NIP7: variants seen among roughly 807,000 people sequenced by gnomAD.
NIP7 encodes 60S ribosome subunit biogenesis protein NIP7 homolog.
NIP7 carries 12 observed loss-of-function variants against 20.1 expected under a neutral mutation model. That is an observed-to-expected ratio of 0.60 (90% CI 0.38 to 0.97). NIP7 has a LOEUF of 0.97. Among genes scored for constraint, NIP7 ranks in the 50% least tolerant of loss-of-function variants. NIP7 has a pLI of 0.00. For missense variants in NIP7, 226 were observed against 226.6 expected, an observed-to-expected ratio of 1.00 and a Z score of 0.02; for synonymous variants, 103 against 87.2, an observed-to-expected ratio of 1.18 and a Z score of -1.01.
At position 69,341,919 on chromosome 16, in the gene NIP7, G is replaced by T; in HGVS notation, c.*267G>T. 1 of 299,348 alleles carries T rather than the reference G, an allele frequency of 3.3e-6. No homozygotes were observed. The highest frequency in any genetic ancestry group is 6.2e-6 in the Non-Finnish European group (1 of 161,266). 18.5% of individuals were successfully genotyped at this position (299,348 alleles called of 1,614,324 possible). On this transcript the variant is annotated 3_prime_UTR_variant, in exon 5 of 5. Coordinates refer to ENST00000254940, the MANE Select transcript of NIP7 (RefSeq NM_016101.5). ...AGAGGGCTTCTTGTTCTGAGAAATA[G>T]GTTCAAAATCATTGGAACCAGGAAC... is the stretch of plus-strand genomic sequence containing the variant.
rs752617802 is a variant in NIP7, at chr16:69,341,750, C to T, written c.*98C>T. The T allele has an allele frequency of 1.5e-5, 22 of 1,447,578 alleles. No homozygotes were observed. Among genetic ancestry groups the T allele is most frequent in the Middle Eastern group, 1.8e-4 (1 of 5,562 alleles). 89.7% of individuals were successfully genotyped at this position (1,447,578 alleles called of 1,614,324 possible). ...ACCATCATGTTGAATTTTGTCAACA[C>T]TCTGGCCTCTTCAGGGACTTCTTAT... On this transcript the variant is annotated 3_prime_UTR_variant, in exon 5 of 5. Coordinates refer to ENST00000254940, the MANE Select transcript of NIP7 (RefSeq NM_016101.5).
intron 3 of NIP7, chr16:69,340,769 C>A (rs1597228936): frequency 4.6e-6 from 1 of 216,198 alleles, no homozygotes; most frequent in East Asian, 1.2e-4. Flanking sequence ...GTCGCCCAGG[C>A]TAGAGTGCAG....
rs960073730 is a variant in NIP7 at position 69,341,691 on chromosome 16, G to A, written c.*39G>A. Reference sequence around the variant, plus strand: ...CAAGGACAGACGGCTGTATGGAAAGGCCGAGCTTTGTTTCCTGTGTTTGTG... The same window carrying A: ...CAAGGACAGACGGCTGTATGGAAAGACCGAGCTTTGTTTCCTGTGTTTGTG... On this transcript the variant is annotated 3_prime_UTR_variant, in exon 5 of 5. Coordinates refer to ENST00000254940, the MANE Select transcript of NIP7 (RefSeq NM_016101.5). The A allele has an allele frequency of 5.6e-6, 9 of 1,609,812 alleles. No individual in the cohort carries two copies. The African/African-American group carries it at 1.2e-4, about 22-fold the overall frequency.
In NIP7 at chr16:69,341,783, ACT is replaced by A; in HGVS notation, c.*136_*137del. ...TCTTCAGGGACTTCTTATTTACTGT[ACT>A]CTCTATCACTGACAAATGCAGGCTG... On this transcript the variant is annotated 3_prime_UTR_variant, in exon 5 of 5. Coordinates refer to ENST00000254940, the MANE Select transcript of NIP7 (RefSeq NM_016101.5). The A allele has an allele frequency of 9.8e-7, 1 of 1,016,710 alleles. No individual in the cohort carries two copies. The highest frequency in any genetic ancestry group is 1.4e-6 in the Non-Finnish European group (1 of 691,552). 63.0% of individuals were successfully genotyped at this position (1,016,710 alleles called of 1,614,324 possible). A position where few individuals can be genotyped will look rare whatever the true frequency, so the allele number is the denominator to read the frequency against.
At position 69,340,245 on chromosome 16, in the gene NIP7, G is replaced by C; in HGVS notation, c.195G>C (p.Ser65=). ...AANISGDKLV[S]LGTCFGKFTK... is the part of the protein sequence containing the mutation. ...ATATTTCCGGGGACAAGCTGGTGTCGCTGGGGACCTGCTTTGGAAAATTCA... is the reference window on the plus strand; with the variant it reads ...ATATTTCCGGGGACAAGCTGGTGTCCCTGGGGACCTGCTTTGGAAAATTCA... Residue 65 remains serine, a synonymous_variant, in exon 3 of 5, where the codon TCG becomes TCC. Coordinates refer to ENST00000254940, the MANE Select transcript of NIP7 (RefSeq NM_016101.5). 1.9e-6 allele frequency: 3 copies of C among 1,614,166 alleles called. No homozygotes were observed. Among genetic ancestry groups the C allele is most frequent in the Non-Finnish European group, 2.5e-6 (3 of 1,180,030 alleles).
intron 3 of NIP7, chr16:69,340,551 G>A: frequency 3.4e-6 from 2 of 590,204 alleles, no homozygotes; most frequent in Non-Finnish European, 5.8e-6. Context: ...AAGTAGAAGA[G>A]CCTAGGGAGA....
chr16:69,340,128 G>A lies in NIP7; in HGVS notation c.143+36G>A, dbSNP rs779777507. On this transcript the variant is annotated intron_variant, in intron 2 of 4. Transcript: ENST00000254940. The stretch of plus-strand genomic sequence containing the variant: ...GCCGGGCAGGCAGCATGGACCCAGG[G>A]GAGAGGGGTCCTGGGTCCCACGAGC... 9.9e-6 allele frequency: 16 copies of A among 1,612,658 alleles called. No individual in the cohort carries two copies. The East Asian group carries it at 3.3e-4, about 34-fold the overall frequency.
intron 3 of NIP7, 55 bp from the exon 4 acceptor site, chr16:69,341,125 G>A: frequency 6.8e-7 from 1 of 1,466,114 alleles, no homozygotes; most frequent in Non-Finnish European, 9.4e-7. Flanking sequence ...TAGCTTGTCT[G>A]CATGGATAGA....
In NIP7 at chr16:69,340,056, G is replaced by A. The variant is rs1334723202; in HGVS notation, c.107G>A (p.Cys36Tyr). ...LLVDRPDGTYCFRLHNDRVYY... is the reference protein window; with the variant it reads ...LLVDRPDGTYYFRLHNDRVYY... ...GTGGACCGGCCCGATGGCACCTACT[G>A]TTTCCGTCTGCACAACGACCGGGTG... The change falls in exon 2 of 5, where the codon TGT (cysteine) becomes TAT (tyrosine). Residue 36 changes from cysteine (C) to tyrosine (Y), a missense_variant. By Grantham distance (194) the Cys-to-Tyr change is radical (BLOSUM62 -2). Transcript: ENST00000254940. 1 of 1,614,126 alleles carries A rather than the reference G, an allele frequency of 6.2e-7. No individual in the cohort carries two copies. The highest frequency in any genetic ancestry group is 1.1e-5 in the South Asian group (1 of 91,076).
rs1212219619 is a variant in NIP7, at chr16:69,339,994, T to C, written c.57-12T>C. 1 of 1,613,434 alleles carries C rather than the reference T, an allele frequency of 6.2e-7. No homozygotes were observed. The highest frequency in any genetic ancestry group is 8.5e-7 in the Non-Finnish European group (1 of 1,179,964). On this transcript the variant is annotated splice_polypyrimidine_tract_variant and intron_variant, in intron 1 of 4. Transcript: ENST00000254940. ...GTTCGGGCGCGGTCTCCAGTCCTCTTTTTGCCCTCAGCATTGGGGAGAATC... is the reference window on the plus strand; with the variant it reads ...GTTCGGGCGCGGTCTCCAGTCCTCTCTTTGCCCTCAGCATTGGGGAGAATC...
intron 3 of NIP7, 43 bp from the exon 4 acceptor site, chr16:69,341,137 A>T: frequency 6.4e-7 from 1 of 1,565,616 alleles, no homozygotes; most frequent in Non-Finnish European, 8.7e-7. Context: ...ATGGATAGAA[A>T]TAGTAACGTT....
In NIP7 at chr16:69,340,308, G is replaced by A. The variant is rs1282815344; in HGVS notation, c.258G>A (p.Leu86=). Reference sequence around the variant, plus strand: ...AGTTTCGGTTGCACGTCACAGCTCTGGATTACCTTGCACCTTATGCCAAGG... The same window carrying A: ...AGTTTCGGTTGCACGTCACAGCTCTAGATTACCTTGCACCTTATGCCAAGG... ...THKFRLHVTA[L]DYLAPYAKYK... The change falls in exon 3 of 5, where the codon CTG becomes CTA. Residue 86 remains leucine, a synonymous_variant. Coordinates refer to ENST00000254940, the MANE Select transcript of NIP7 (RefSeq NM_016101.5). 6.2e-7 allele frequency: 1 copy of A among 1,613,482 alleles called. No homozygotes were observed. Among genetic ancestry groups the A allele is most frequent in the East Asian group, 2.2e-5 (1 of 44,890 alleles).
chr16:69,340,527 A>G (rs1365929912), intron 3 of NIP7, 195 bp downstream of exon 3: 5 of 674,762 alleles, frequency 7.4e-6, no homozygotes, highest in Non-Finnish European at 1.2e-5. Context: ...GCGTAGGGTT[A>G]GTTTTCTCCA....
At chr16:69,340,585 A>G in intron 3 of NIP7, 2 of 499,870 alleles carry the variant, frequency 4.0e-6, no homozygotes, top group South Asian at 3.4e-5. Flanking sequence ...CAGAAAGCAA[A>G]TAAGTGGCAG....
chr16:69,341,224 T>C lies in NIP7; in HGVS notation c.327T>C (p.Tyr109=). The change falls in exon 4 of 5, where the codon TAT becomes TAC. Residue 109 remains tyrosine (Y), a synonymous_variant. Coordinates refer to ENST00000254940, the MANE Select transcript of NIP7 (RefSeq NM_016101.5). The stretch of plus-strand genomic sequence containing the variant: ...CTGGTGCAGAGCAGTCCTTCCTGTA[T>C]GGGAACCATGTGTTGAAATCTGGTC... ...IKPGAEQSFL[Y]GNHVLKSGLG... 6.2e-7 allele frequency: 1 copy of C among 1,614,180 alleles called. No individual in the cohort carries two copies. The highest frequency in any genetic ancestry group is 2.2e-5 in the East Asian group (1 of 44,888).
chr16:69,341,742 T>C lies in NIP7; in HGVS notation c.*90T>C. The C allele has an allele frequency of 6.6e-7, 1 of 1,517,058 alleles. No homozygotes were observed. Among genetic ancestry groups the C allele is most frequent in the Non-Finnish European group, 9.0e-7 (1 of 1,105,494 alleles). The allele number at this position is 1,517,058 out of a possible 1,614,324, so 94.0% of individuals were successfully genotyped here. On this transcript the variant is annotated 3_prime_UTR_variant, in exon 5 of 5. Coordinates refer to ENST00000254940, the MANE Select transcript of NIP7 (RefSeq NM_016101.5). ...TGGACTCCACCATCATGTTGAATTTTGTCAACACTCTGGCCTCTTCAGGGA... is the reference window on the plus strand; with the variant it reads ...TGGACTCCACCATCATGTTGAATTTCGTCAACACTCTGGCCTCTTCAGGGA...
chr16:69,340,347 T>G lies in NIP7; in HGVS notation c.282+15T>G. The G allele has an allele frequency of 6.2e-7, 1 of 1,606,850 alleles. No homozygotes were observed. ...CTTATGCCAAGGTTTGTGGGGCGGT[T>G]TCCAATTCTGCCACGGGCGATGAAG... On this transcript the variant is annotated intron_variant, in intron 3 of 4. Transcript: ENST00000254940.
In NIP7 at chr16:69,339,856, C is replaced by G. The variant is rs746812678; in HGVS notation, c.27C>G (p.Thr9=). ...TGCGGCCTTTGACTGAAGAGGAGAC[C>G]CGTGTCATGTTTGAGAAGATAGCGA... MRPLTEEE[T]RVMFEKIAKY... The change falls in exon 1 of 5, where the codon ACC becomes ACG. Residue 9 remains threonine (T), a synonymous_variant. Coordinates refer to ENST00000254940, the MANE Select transcript of NIP7 (RefSeq NM_016101.5). 1 of 1,613,756 alleles carries G rather than the reference C, an allele frequency of 6.2e-7. No individual in the cohort carries two copies. Among genetic ancestry groups the G allele is most frequent in the Non-Finnish European group, 8.5e-7 (1 of 1,180,034 alleles).
In NIP7 at chr16:69,340,304, C is replaced by T; in HGVS notation, c.254C>T (p.Ala85Val). The T allele has an allele frequency of 6.2e-7, 1 of 1,613,712 alleles. No homozygotes were observed. The highest frequency in any genetic ancestry group is 8.5e-7 in the Non-Finnish European group (1 of 1,180,030). Residue 85 changes from alanine (A) to valine (V), a missense_variant, in exon 3 of 5, where the codon GCT becomes GTT. Ala to Val is a moderately conservative substitution (Grantham distance 64). Coordinates refer to ENST00000254940, the MANE Select transcript of NIP7 (RefSeq NM_016101.5). ...CACAAGTTTCGGTTGCACGTCACAGCTCTGGATTACCTTGCACCTTATGCC... is the reference window on the plus strand; with the variant it reads ...CACAAGTTTCGGTTGCACGTCACAGTTCTGGATTACCTTGCACCTTATGCC... ...KTHKFRLHVT[A>V]LDYLAPYAKY...
Sources: allele counts gnomAD v4.1 joint callset, GRCh38; gene constraint gnomAD v4.1.1; transcripts MANE v1.5; gene names NCBI Gene and HGNC (gene_info 2026-07-23, HGNC 2026-07-21).